Variants in STON2 observed in about 807,000 individuals in gnomAD.
STON2 encodes the protein stonin 2.
In STON2, 29 loss-of-function variants were observed where a neutral mutation model predicts 65.7. That is an observed-to-expected ratio of 0.44 (90% confidence interval 0.33 to 0.60). The LOEUF (loss-of-function observed/expected upper bound fraction) is 0.60, where lower values mean the gene tolerates loss of function less well. STON2 is among the 20% of genes least tolerant of loss of function. The pLI is 0.03. For synonymous variants in STON2, 404 were observed against 414.2 expected (o/e 0.98, Z 0.30); for missense variants, 1,054 against 1,118.1 (o/e 0.94, Z 0.82).
chr14:81,409,108 T>C (rs1901021803), intron 2 of STON2, among the ~76,000 whole-genome samples: 1 of 152,154 alleles, frequency 6.6e-6, no homozygotes, highest in African/African-American at 2.4e-5. Flanking sequence ...TCAGAGAAGA[T>C]AAAATATTTT....
At chr14:81,275,135 T>TATA (rs376681889) in intron 6 of STON2, among the ~76,000 whole-genome samples, 46 of 151,736 alleles carry the variant, frequency 3.0e-4, no homozygotes, top group East Asian at 7.7e-4. Context: ...CTTTGTTGCT[T>TATA]ATAATAATAA....
chr14:81,342,008 G>A (rs1224853121), intron 4 of STON2, among the ~76,000 whole-genome samples: 2 of 152,184 alleles, frequency 1.3e-5, no homozygotes, highest in African/African-American at 4.8e-5. Flanking sequence ...CACTGATCTA[G>A]GAGTTCAGAT....
rs771862629 is a variant in STON2, at chr14:81,277,120, G to A, written c.2362C>T (p.Arg788Cys). 34 of 1,614,058 alleles carry A rather than the reference G, an allele frequency of 2.1e-5. No homozygotes were observed. Among genetic ancestry groups the A allele is most frequent in the South Asian group, 2.0e-4 (18 of 91,084 alleles). ...TQVPCENVMI[R>C]YPVPSEWVKN... ...ACCCACTCACTGGGCACAGGGTAAC[G>A]GATCATCACATTCTCACAGGGAACC... Residue 788 changes from arginine to cysteine, a missense_variant, in exon 6 of 8, where the codon CGT becomes TGT. Arg to Cys is a radical substitution (Grantham distance 180). Transcript: ENST00000614646.
At chr14:81,313,962 A>G (rs1200303397) in intron 5 of STON2, among the ~76,000 whole-genome samples, 3 of 152,278 alleles carry the variant, frequency 2.0e-5, no homozygotes, top group Non-Finnish European at 2.9e-5. Context: ...GGCTTCCCTG[A>G]TGAAGCAATA....
chr14:81,263,977 G>T lies in STON2; in HGVS notation c.*4437C>A, dbSNP rs569379043. The T allele has an allele frequency of 3.0e-6, 3 of 985,386 alleles. No homozygotes were observed. Among genetic ancestry groups the T allele is most frequent in the South Asian group, 9.4e-5 (2 of 21,282 alleles). 61.0% of individuals were successfully genotyped at this position (985,386 alleles called of 1,614,324 possible). On this transcript the variant is annotated 3_prime_UTR_variant, in exon 8 of 8. Transcript: ENST00000614646. ...ATCTTACTGTGGTGACAAAATAAATGCAAAGTAACGGTCAGCGGTTAGTGC... is the reference window on the plus strand; with the variant it reads ...ATCTTACTGTGGTGACAAAATAAATTCAAAGTAACGGTCAGCGGTTAGTGC...
chr14:81,334,628 A>G (rs1851372881), intron 4 of STON2, among the ~76,000 whole-genome samples: 1 of 152,194 alleles, frequency 6.6e-6, no homozygotes. Context: ...AGAAAGAGGG[A>G]CATGTCCTTT....
intron 3 of STON2, among the ~76,000 whole-genome samples, chr14:81,379,493 C>G (rs1899412547): frequency 6.6e-6 from 1 of 152,142 alleles, no homozygotes; most frequent in Admixed American, 6.5e-5. Flanking sequence ...TCTCCCCAAA[C>G]TGGTTTATAA....
intron 5 of STON2, among the ~76,000 whole-genome samples, chr14:81,284,743 GA>G (rs1391449800): frequency 6.6e-6 from 1 of 152,190 alleles, no homozygotes; most frequent in African/African-American, 2.4e-5. Flanking sequence ...AATAGCTAGA[GA>G]AAAGTCAATG....
intron 4 of STON2, among the ~76,000 whole-genome samples, chr14:81,340,707 C>T (rs1199555895): frequency 6.6e-6 from 1 of 152,092 alleles, no homozygotes; most frequent in African/African-American, 2.4e-5. Flanking sequence ...GGTTCCTGAA[C>T]TCTGGAGCAC....
rs527656886 is a variant in STON2, at chr14:81,408,581, TTATAAA to T, written c.-198-10007_-198-10002del. On this transcript the variant is annotated intron_variant, in intron 2 of 8. Transcript: ENST00000553821. ...TGTGTGTATATGTGTGTATACACAC[TTATAAA>T]TATACACATTTATGTACATGCATAC... Among the ~76,000 whole-genome samples, 547 of 152,358 alleles carry T rather than the reference TTATAAA, an allele frequency of 3.6e-3. 3 individuals are homozygous for T. The highest frequency in any genetic ancestry group is 0.013 in the African/African-American group (521 of 41,582).
chr14:81,364,571 G>A (rs1357917636), intron 4 of STON2, among the ~76,000 whole-genome samples: 1 of 152,112 alleles, frequency 6.6e-6, no homozygotes, highest in Non-Finnish European at 1.5e-5. Flanking sequence ...GTAGGCAGTA[G>A]AGATTAATGA....
chr14:81,410,131 A>G (rs766629055), intron 2 of STON2, among the ~76,000 whole-genome samples: 3 of 152,146 alleles, frequency 2.0e-5, no homozygotes, highest in African/African-American at 4.8e-5. Context: ...GGCTAAGAGA[A>G]TAACAGTCAT....
intron 5 of STON2, among the ~76,000 whole-genome samples, chr14:81,318,119 C>T (rs1374210606): frequency 6.6e-6 from 1 of 152,042 alleles, no homozygotes; most frequent in Non-Finnish European, 1.5e-5. Flanking sequence ...GCGTGCACCA[C>T]CATGCCCGGC....
intron 5 of STON2, among the ~76,000 whole-genome samples, chr14:81,292,699 C>T (rs556166644): frequency 2.3e-4 from 35 of 152,244 alleles, no homozygotes; most frequent in African/African-American, 7.9e-4. Context: ...TATAAATTAC[C>T]CAGTCTTGGG....
At chr14:81,388,319 T>C (rs556265454) in intron 3 of STON2, among the ~76,000 whole-genome samples, 2 of 152,324 alleles carry the variant, frequency 1.3e-5, no homozygotes, top group African/African-American at 2.4e-5. Context: ...ATGGCACTTA[T>C]TCACTTCAAA....
intron 5 of STON2, among the ~76,000 whole-genome samples, chr14:81,293,922 G>A (rs1895661088): frequency 6.6e-6 from 1 of 152,134 alleles, no homozygotes; most frequent in Non-Finnish European, 1.5e-5. Flanking sequence ...TTTTTCTTCA[G>A]CTACTAAATT....
intron 2 of STON2, among the ~76,000 whole-genome samples, chr14:81,417,987 C>T (rs1390360310): frequency 3.3e-5 from 5 of 152,070 alleles, no homozygotes; most frequent in Non-Finnish European, 5.9e-5. Context: ...CTTGAGTGGT[C>T]GCTGGTGACT....
intron 5 of STON2, among the ~76,000 whole-genome samples, chr14:81,280,533 A>G (rs543175206): frequency 6.6e-6 from 1 of 152,146 alleles, no homozygotes; most frequent in Non-Finnish European, 1.5e-5. Flanking sequence ...TGGATACTCA[A>G]ATGACTGAGT....
At chr14:81,406,998 C>T (rs1165660564) in intron 2 of STON2, among the ~76,000 whole-genome samples, 2 of 152,186 alleles carry the variant, frequency 1.3e-5, no homozygotes, top group African/African-American at 4.8e-5. Context: ...GACTGCTGTG[C>T]TTGGCTTAGA....
Sources: gnomAD v4.1 joint callset for allele counts (sites outside exome capture counted in the v4.1 genomes callset) on GRCh38, gnomAD v4.1.1 for gene constraint, MANE v1.5 for transcripts, NCBI Gene and HGNC (gene_info 2026-07-23, HGNC 2026-07-21) for gene names.